Variants in PRR16 observed in about 807,000 individuals in gnomAD.
PRR16 encodes proline rich 16.
PRR16 carries 6 observed loss-of-function variants against 18.2 expected under a neutral mutation model. The observed-to-expected ratio is 0.33, with a 90% CI of 0.18 to 0.65. The LOEUF (loss-of-function observed/expected upper bound fraction) is 0.65, where lower values mean the gene tolerates loss of function less well. Among genes scored for constraint, PRR16 ranks in the 30% least tolerant of loss-of-function variants. The probability of loss-of-function intolerance (pLI) is 0.74; values close to 1 mark genes in which losing one functional copy is unlikely to be tolerated. For missense variants in PRR16, 412 were observed against 376.6 expected, an observed-to-expected ratio of 1.09 and a Z score of -0.78; for synonymous variants, 151 against 147.8, an observed-to-expected ratio of 1.02 and a Z score of -0.16.
chr5:120,676,936 CTAAA>C (rs1756817895), intron 1 of PRR16, among the ~76,000 whole-genome samples: 3 of 152,190 alleles, frequency 2.0e-5, no homozygotes, highest in Admixed American at 6.5e-5. Flanking sequence ...ATAGATTCTT[CTAAA>C]TAAATAAATA....
chr5:120,495,161 A>G (rs944520292), intron 1 of PRR16, among the ~76,000 whole-genome samples: 7 of 152,156 alleles, frequency 4.6e-5, no homozygotes, highest in African/African-American at 2.4e-5. Context: ...ACTTTCGAGC[A>G]TAATTAAAAA....
At chr5:120,593,223 G>T (rs924611740) in intron 1 of PRR16, among the ~76,000 whole-genome samples, 2 of 151,782 alleles carry the variant, frequency 1.3e-5, no homozygotes, top group Non-Finnish European at 2.9e-5. Context: ...AAGAAATCTA[G>T]AATTGATTTT....
intron 1 of PRR16, among the ~76,000 whole-genome samples, chr5:120,483,889 C>T (rs1384181020): frequency 6.6e-6 from 1 of 152,056 alleles, no homozygotes; most frequent in Non-Finnish European, 1.5e-5. Flanking sequence ...AGATCATGCA[C>T]TCAAACAAAC....
At chr5:120,632,634 A>G (rs1482104786) in intron 1 of PRR16, among the ~76,000 whole-genome samples, 1 of 152,192 alleles carries the variant, frequency 6.6e-6, no homozygotes, top group East Asian at 1.9e-4. Context: ...AGAACTTCAG[A>G]ACTTGAAGAC....
At chr5:120,484,293 T>G (rs542011411) in intron 1 of PRR16, among the ~76,000 whole-genome samples, 1 of 147,580 alleles carries the variant, frequency 6.8e-6, no homozygotes, top group Non-Finnish European at 1.5e-5. Flanking sequence ...ATATATGTCT[T>G]ATGTATAATA....
At chr5:120,790,967 A>G in the PRR16 span, among the ~76,000 whole-genome samples, 1 of 152,200 alleles carries the variant, frequency 6.6e-6, no homozygotes, top group Non-Finnish European at 1.5e-5. Flanking sequence ...AAGGGATCCA[A>G]AGTTTTTAAT....
chr5:120,526,775 A>G (rs1347603735), intron 1 of PRR16, among the ~76,000 whole-genome samples: 1 of 152,186 alleles, frequency 6.6e-6, no homozygotes, highest in Non-Finnish European at 1.5e-5. Context: ...CAGCATTCTG[A>G]GACTGTATCT....
intron 1 of PRR16, among the ~76,000 whole-genome samples, chr5:120,475,875 G>T (rs1030193433): frequency 5.3e-5 from 8 of 152,062 alleles, no homozygotes; most frequent in Non-Finnish European, 2.9e-5. Flanking sequence ...TTAGTAGAGA[G>T]ACATTATTCA....
In PRR16 at chr5:120,608,129, G is replaced by A. The variant is rs541348927; in HGVS notation, c.160-77825G>A. Among the ~76,000 whole-genome samples the A allele has an allele frequency of 2.6e-5, 4 of 152,188 alleles. No homozygotes were observed. The East Asian group carries it at 7.7e-4, about 29-fold the overall frequency. ...ATTTTGGTGGAAGCCCTTTCCTTTT[G>A]TTTCCTGATAATATACCCAGCACTT... On this transcript the variant is annotated intron_variant, in intron 1 of 1. Coordinates refer to ENST00000407149, the MANE Select transcript of PRR16 (RefSeq NM_001300783.2).
the PRR16 span, among the ~76,000 whole-genome samples, chr5:120,752,180 G>T: frequency 6.6e-6 from 1 of 151,862 alleles, no homozygotes; most frequent in Non-Finnish European, 1.5e-5. Flanking sequence ...ATAGAAAATT[G>T]GTCATTTTTT....
At chr5:120,480,523 A>C (rs865983376) in intron 1 of PRR16, among the ~76,000 whole-genome samples, 6 of 152,230 alleles carry the variant, frequency 3.9e-5, no homozygotes, top group African/African-American at 1.2e-4. Context: ...AAGTGAAGTC[A>C]TACTTAGTAT....
chr5:120,734,023 A>C, the PRR16 span, among the ~76,000 whole-genome samples: 1,196 of 152,314 alleles, frequency 7.9e-3, 7 homozygotes, highest in Middle Eastern at 0.027. Flanking sequence ...CATTAATACA[A>C]CTGTGTGACT....
intron 1 of PRR16, among the ~76,000 whole-genome samples, chr5:120,664,802 C>A (rs1756309402): frequency 7.0e-6 from 1 of 142,468 alleles, no homozygotes; most frequent in Non-Finnish European, 1.6e-5. Context: ...TTTTTTATGG[C>A]TGCATAGTAT....
intron 1 of PRR16, among the ~76,000 whole-genome samples, chr5:120,507,032 C>T (rs745764071): frequency 4.6e-5 from 7 of 152,106 alleles, no homozygotes; most frequent in Non-Finnish European, 8.8e-5. Context: ...TTCATTTCAA[C>T]TTTCTACCAG....
intron 1 of PRR16, among the ~76,000 whole-genome samples, chr5:120,475,529 G>C (rs1749414398): frequency 6.6e-6 from 1 of 152,004 alleles, no homozygotes; most frequent in Non-Finnish European, 1.5e-5. Context: ...CTTGAGGCCA[G>C]GAGTTCAAGA....
chr5:120,511,968 C>T (rs989989088), intron 1 of PRR16, among the ~76,000 whole-genome samples: 3 of 152,160 alleles, frequency 2.0e-5, no homozygotes, highest in Non-Finnish European at 4.4e-5. Flanking sequence ...AGAAATCTGT[C>T]TGAAGCCTCT....
chr5:120,643,164 CAAAG>C (rs1755477574), intron 1 of PRR16, among the ~76,000 whole-genome samples: 1 of 148,748 alleles, frequency 6.7e-6, no homozygotes, highest in African/African-American at 2.5e-5. Flanking sequence ...ATGTTTGAAA[CAAAG>C]AAGAGACATA....
chr5:120,756,215 T>A, the PRR16 span, among the ~76,000 whole-genome samples: 1 of 152,080 alleles, frequency 6.6e-6, no homozygotes, highest in Non-Finnish European at 1.5e-5. Context: ...CAGAGGTACT[T>A]TCCATTTTTC....
intron 1 of PRR16, among the ~76,000 whole-genome samples, chr5:120,508,481 T>C (rs1425270779): frequency 6.6e-6 from 1 of 152,142 alleles, no homozygotes; most frequent in Non-Finnish European, 1.5e-5. Flanking sequence ...TGCAATATTA[T>C]ATAAGTAGTG....
Sources: gnomAD v4.1 joint callset for allele counts (sites outside exome capture counted in the v4.1 genomes callset) on GRCh38, gnomAD v4.1.1 for gene constraint, MANE v1.5 for transcripts, NCBI Gene and HGNC (gene_info 2026-07-23, HGNC 2026-07-21) for gene names.